Variants in GMFB observed in about 807,000 individuals in gnomAD.
GMFB encodes GMF-beta.
In GMFB, 13 loss-of-function variants were observed where a neutral mutation model predicts 25.6. The ratio of observed to expected loss-of-function variants is 0.51; its 90% CI spans 0.33 to 0.81. The LOEUF (loss-of-function observed/expected upper bound fraction) is 0.81, where lower values mean the gene tolerates loss of function less well. Ranked by LOEUF, GMFB falls within the 30% of genes least tolerant of loss-of-function variation. The pLI, the probability that GMFB is intolerant of heterozygous loss-of-function variation, is 0.02. For missense variants in GMFB, 146 were observed against 175.4 expected (o/e 0.83, Z 0.95); for synonymous variants, 57 against 56.9 (o/e 1.00, Z 0.00).
At chr14:54,486,009 TG>T (rs2031776950) in intron 1 of GMFB, among the ~76,000 whole-genome samples, 1 of 152,188 alleles carries the variant, frequency 6.6e-6, no homozygotes, top group Admixed American at 6.5e-5. Flanking sequence ...CCCAGCACTT[TG>T]GGAGGCCGAG....
intron 1 of GMFB, among the ~76,000 whole-genome samples, chr14:54,487,667 C>G (rs1015076970): frequency 2.0e-5 from 3 of 152,170 alleles, no homozygotes; most frequent in Non-Finnish European, 4.4e-5. Context: ...GGGCCGAGAT[C>G]CCGCCATTGC....
chr14:54,488,458 C>G (rs1433675699), intron 1 of GMFB: 1 of 160,134 alleles, frequency 6.2e-6, no homozygotes, highest in Non-Finnish European at 1.4e-5. Flanking sequence ...CGAGAGAATT[C>G]AATCGGAATT....
chr14:54,483,921 A>C, intron 1 of GMFB, 154 bp from the exon 2 acceptor site: 1 of 698,562 alleles, frequency 1.4e-6, no homozygotes, highest in Non-Finnish European at 2.6e-6. Flanking sequence ...AAGAACTTTA[A>C]AATCAACCAA....
At chr14:54,487,634 AC>A (rs1441446501) in intron 1 of GMFB, among the ~76,000 whole-genome samples, 1 of 152,162 alleles carries the variant, frequency 6.6e-6, no homozygotes, top group Non-Finnish European at 1.5e-5. Context: ...AACTGCTTGA[AC>A]CTGGGAGGCG....
At chr14:54,486,076 C>T (rs1411543136) in intron 1 of GMFB, among the ~76,000 whole-genome samples, 1 of 152,036 alleles carries the variant, frequency 6.6e-6, no homozygotes, top group Non-Finnish European at 1.5e-5. Context: ...ATGGTGAAAC[C>T]CCGTCTCTAC....
In GMFB at chr14:54,488,978, A is replaced by G. The variant is rs769088006; in HGVS notation, c.-51T>C. 16 of 1,504,180 alleles carry G rather than the reference A, an allele frequency of 1.1e-5. No homozygotes were observed. The highest frequency in any genetic ancestry group is 1.3e-5 in the Non-Finnish European group (15 of 1,118,604). The allele number at this position is 1,504,180 out of a possible 1,614,324, so 93.2% of individuals were successfully genotyped here. A position where few individuals can be genotyped will look rare whatever the true frequency, so the allele number is the denominator to read the frequency against. On this transcript the variant is annotated 5_prime_UTR_variant, in exon 1 of 7. Coordinates refer to ENST00000358056, the MANE Select transcript of GMFB (RefSeq NM_004124.3). ...TCGCCTACACTCGGGCGCCTTTAAGAATGGCACGGCGGCCGCCTCCCTTCC... is the reference window on the plus strand; with the variant it reads ...TCGCCTACACTCGGGCGCCTTTAAGGATGGCACGGCGGCCGCCTCCCTTCC...
chr14:54,484,656 G>GA (rs777771937), intron 1 of GMFB, among the ~76,000 whole-genome samples: 1 of 152,050 alleles, frequency 6.6e-6, no homozygotes, highest in Non-Finnish European at 1.5e-5. Context: ...AATTGAAGGG[G>GA]AGAACATACC....
chr14:54,486,046 T>C (rs1566498374), intron 1 of GMFB, among the ~76,000 whole-genome samples: 1 of 152,124 alleles, frequency 6.6e-6, no homozygotes, highest in Non-Finnish European at 1.5e-5. Flanking sequence ...GGTCAGGAGT[T>C]CGAGACCAGC....
At chr14:54,482,235 A>T (rs745790751) in intron 2 of GMFB, 33 bp from the exon 3 acceptor site, 36 of 1,452,132 alleles carry the variant, frequency 2.5e-5, no homozygotes, top group Non-Finnish European at 3.5e-5. Context: ...GTAAGCTGGG[A>T]TTCTAATGTG....
In GMFB at chr14:54,474,784, CA is replaced by C. The variant is rs1319877678; in HGVS notation, c.*3303del. The stretch of plus-strand genomic sequence containing the variant: ...AATTATATTTATATGAATTATAATC[CA>C]AAAAGCAATAAAATACAATTTCTAT... On this transcript the variant is annotated 3_prime_UTR_variant, in exon 7 of 7. Transcript: ENST00000358056. 1.1e-4 allele frequency: 17 copies of C among 152,462 alleles called. No individual in the cohort carries two copies. Among genetic ancestry groups the C allele is most frequent in the African/African-American group, 1.7e-4 (7 of 41,396 alleles). 9.4% of individuals were successfully genotyped at this position (152,462 alleles called of 1,614,324 possible). A position where few individuals can be genotyped will look rare whatever the true frequency, so the allele number is the denominator to read the frequency against.
chr14:54,487,449 G>A (rs2031802138), intron 1 of GMFB, among the ~76,000 whole-genome samples: 2 of 151,788 alleles, frequency 1.3e-5, no homozygotes, highest in South Asian at 2.1e-4. Context: ...GCGGGAGAAC[G>A]AACGGCGTGA....
chr14:54,476,682 C>A lies in GMFB; in HGVS notation c.*1406G>T, dbSNP rs976163798. On this transcript the variant is annotated 3_prime_UTR_variant, in exon 7 of 7. Transcript: ENST00000358056. ...AAATTCCAACTATCTTTACTTCTCA[C>A]AGAAACCTCAAAAATAAAATGCAAA... The A allele has an allele frequency of 2.0e-5, 3 of 152,016 alleles. No homozygotes were observed. The highest frequency in any genetic ancestry group is 7.2e-5 in the African/African-American group (3 of 41,424). The allele number at this position is 152,016 out of a possible 1,614,324, so 9.4% of individuals were successfully genotyped here. A position where few individuals can be genotyped will look rare whatever the true frequency, so the allele number is the denominator to read the frequency against.
Position 54,488,933 on chromosome 14 carries a change from T to C in GMFB, c.-6A>G. Reference sequence around the variant, plus strand: ...TCCCAGCGGCAACTCACCATTTTCCTTCCGGCCGTCAGCGGCCTGTCGCCT... The same window carrying C: ...TCCCAGCGGCAACTCACCATTTTCCCTCCGGCCGTCAGCGGCCTGTCGCCT... On this transcript the variant is annotated 5_prime_UTR_variant, in exon 1 of 7. Coordinates refer to ENST00000358056, the MANE Select transcript of GMFB (RefSeq NM_004124.3). The C allele has an allele frequency of 6.4e-7, 1 of 1,561,444 alleles. No individual in the cohort carries two copies. The highest frequency in any genetic ancestry group is 1.2e-5 in the South Asian group (1 of 85,644).
In GMFB at chr14:54,477,385, C is replaced by T. The variant is rs1037265922; in HGVS notation, c.*703G>A. ...GTTATTAACCTAGATTCAAAACTGT[C>T]TAGAAATGACATAAAAGGAATGAAG... is the stretch of plus-strand genomic sequence containing the variant. On this transcript the variant is annotated 3_prime_UTR_variant, in exon 7 of 7. Coordinates refer to ENST00000358056, the MANE Select transcript of GMFB (RefSeq NM_004124.3). 2.0e-5 allele frequency: 3 copies of T among 152,468 alleles called. No homozygotes were observed. Among genetic ancestry groups the T allele is most frequent in the African/African-American group, 7.2e-5 (3 of 41,540 alleles). The allele number at this position is 152,468 out of a possible 1,614,324, so 9.4% of individuals were successfully genotyped here.
At chr14:54,483,067 T>C (rs2031734280) in intron 2 of GMFB, 1 of 152,378 alleles carries the variant, frequency 6.6e-6, no homozygotes, top group Non-Finnish European at 1.5e-5. Flanking sequence ...CCCCTCATCC[T>C]TTCCTCATCT....
At chr14:54,478,766 A>G (rs1018753485) in intron 6 of GMFB, 2 of 152,170 alleles carry the variant, frequency 1.3e-5, no homozygotes, top group Admixed American at 6.6e-5. Flanking sequence ...CTGTTATGCA[A>G]CCCTGAGCAA....
rs1028150222 is a variant in GMFB at position 54,488,783 on chromosome 14, G to A, written c.3+142C>T. ...GCAGAGGCCAAGTACTCTAGCTATG[G>A]GCACTGGCCAGCTGCTGGGAGCGGA... On this transcript the variant is annotated intron_variant, in intron 1 of 6. Transcript: ENST00000358056. 4.7e-4 allele frequency: 285 copies of A among 608,068 alleles called. 1 individual carries two copies. Among genetic ancestry groups the A allele is most frequent in the Non-Finnish European group, 7.1e-4 (264 of 373,166 alleles). 37.7% of individuals were successfully genotyped at this position (608,068 alleles called of 1,614,324 possible). A position where few individuals can be genotyped will look rare whatever the true frequency, so the allele number is the denominator to read the frequency against.
chr14:54,481,008 C>T (rs1178481916), intron 4 of GMFB, 52 bp from the exon 5 acceptor site: 1 of 829,902 alleles, frequency 1.2e-6, no homozygotes, highest in Non-Finnish European at 2.0e-6. Flanking sequence ...CAGGTATTTA[C>T]CAACACCTGG....
Position 54,477,359 on chromosome 14 carries a change from T to G in GMFB, c.*729A>C, listed in dbSNP as rs2031653835. 6.6e-6 allele frequency: 1 copy of G among 152,476 alleles called. No homozygotes were observed. The highest frequency in any genetic ancestry group is 6.5e-5 in the Admixed American group (1 of 15,268). The allele number at this position is 152,476 out of a possible 1,614,324, so 9.4% of individuals were successfully genotyped here. On this transcript the variant is annotated 3_prime_UTR_variant, in exon 7 of 7. Transcript: ENST00000358056. ...ACATTGAGGTGCTTTATAAATAAAG[T>G]GTTATTAACCTAGATTCAAAACTGT...
Sources: gnomAD v4.1 joint callset for allele counts (sites outside exome capture counted in the v4.1 genomes callset) on GRCh38, gnomAD v4.1.1 for gene constraint, MANE v1.5 for transcripts, NCBI Gene and HGNC (gene_info 2026-07-23, HGNC 2026-07-21) for gene names.